Variants in PDK1 observed in about 807,000 individuals in gnomAD.
PDK1 encodes pyruvate dehydrogenase kinase 1.
PDK1 carries 39 observed loss-of-function variants against 54.2 expected under a neutral mutation model. That is an observed-to-expected ratio of 0.72 (90% CI 0.56 to 0.94). PDK1 has a LOEUF of 0.94. Ranked by LOEUF, PDK1 falls within the 40% of genes least tolerant of loss-of-function variation. PDK1 has a pLI of 0.00. For synonymous variants in PDK1, 221 were observed against 207.1 expected (o/e 1.07, Z -0.58); for missense variants, 552 against 566.0 (o/e 0.98, Z 0.25).
At chr2:172,642,254 T>C in the PDK1 span, among the ~76,000 whole-genome samples, 1 of 152,204 alleles carries the variant, frequency 6.6e-6, no homozygotes, top group African/African-American at 2.4e-5. Flanking sequence ...TGAGACTGCA[T>C]GTGCTTTTTC....
At chr2:172,560,159 T>A (rs1392548047) in intron 2 of PDK1, among the ~76,000 whole-genome samples, 1 of 152,224 alleles carries the variant, frequency 6.6e-6, no homozygotes, top group East Asian at 1.9e-4. Context: ...TATTATTTTT[T>A]AAATTAATTT....
chr2:172,714,764 A>C, the PDK1 span, among the ~76,000 whole-genome samples: 1 of 152,166 alleles, frequency 6.6e-6, no homozygotes, highest in Non-Finnish European at 1.5e-5. Context: ...GTGGTAATTG[A>C]CAGCAAAAAG....
the PDK1 span, among the ~76,000 whole-genome samples, chr2:172,710,121 A>G: frequency 6.6e-6 from 1 of 152,186 alleles, no homozygotes; most frequent in Non-Finnish European, 1.5e-5. Context: ...GTAAGTGACG[A>G]AAGTGGCTGT....
the PDK1 span, among the ~76,000 whole-genome samples, chr2:172,641,744 C>T: frequency 1.3e-4 from 20 of 152,046 alleles, no homozygotes; most frequent in African/African-American, 4.8e-4. Context: ...ACACCCTGTC[C>T]CAGATCATTT....
chr2:172,667,457 T>A, the PDK1 span, among the ~76,000 whole-genome samples: 2 of 152,174 alleles, frequency 1.3e-5, no homozygotes, highest in African/African-American at 4.8e-5. Flanking sequence ...AGAAGGTGAT[T>A]GGTAATGTAG....
At position 172,598,102 on chromosome 2, in the gene PDK1, TTA is replaced by T. The variant is rs1214676648; in HGVS notation, c.*2137_*2138del. On this transcript the variant is annotated 3_prime_UTR_variant, in exon 11 of 11. Coordinates refer to ENST00000282077, the MANE Select transcript of PDK1 (RefSeq NM_002610.5). ...ACAATAGAACATGTTAATGAGTAAT[TTA>T]TATTAGTTCGATGTATTACAATTTT... The T allele has an allele frequency of 6.6e-6, 1 of 152,210 alleles. No homozygotes were observed. Among genetic ancestry groups the T allele is most frequent in the Non-Finnish European group, 1.5e-5 (1 of 68,044 alleles). 9.4% of individuals were successfully genotyped at this position (152,210 alleles called of 1,614,324 possible).
At chr2:172,585,916 A>T (rs906862860) in intron 8 of PDK1, among the ~76,000 whole-genome samples, 3 of 152,136 alleles carry the variant, frequency 2.0e-5, no homozygotes, top group African/African-American at 7.2e-5. Context: ...CTATAATCCC[A>T]GCACTTTGGG....
the PDK1 span, among the ~76,000 whole-genome samples, chr2:172,666,214 C>A: frequency 4.3e-4 from 65 of 152,188 alleles, no homozygotes; most frequent in Non-Finnish European, 8.2e-4. Flanking sequence ...GTCCCACTAA[C>A]CTACTACACA....
the PDK1 span, among the ~76,000 whole-genome samples, chr2:172,676,507 AAATAGAAAGGG>A: frequency 1.3e-5 from 2 of 152,182 alleles, no homozygotes; most frequent in African/African-American, 2.4e-5. Context: ...GATGTGATAG[AAATAGAAAGGG>A]AATAGAATTA....
At chr2:172,625,469 GTAACT>G in the PDK1 span, among the ~76,000 whole-genome samples, 2 of 152,160 alleles carry the variant, frequency 1.3e-5, no homozygotes, top group East Asian at 3.9e-4. Context: ...GCATCTGTTT[GTAACT>G]TTCTTTCTTC....
At chr2:172,622,560 T>TGTTTATATCTCATATATTATGTGAG in the PDK1 span, among the ~76,000 whole-genome samples, 1 of 143,614 alleles carries the variant, frequency 7.0e-6, no homozygotes, top group Admixed American at 7.4e-5. Context: ...TCATGTGAGA[T>TGTTTATATCTCATATATTATGTGAG]ATGTTTATAT....
At chr2:172,619,983 G>A in the PDK1 span, among the ~76,000 whole-genome samples, 200 of 152,242 alleles carry the variant, frequency 1.3e-3, no homozygotes, top group Non-Finnish European at 2.5e-3. Flanking sequence ...TGGCCAACAT[G>A]GCAAAACCCC....
chr2:172,701,211 C>A, the PDK1 span, among the ~76,000 whole-genome samples: 2 of 152,198 alleles, frequency 1.3e-5, no homozygotes, highest in Non-Finnish European at 2.9e-5. Context: ...CAGACACAAG[C>A]ACTATCTGCT....
At chr2:172,595,339 G>A (rs1365161268) in intron 10 of PDK1, among the ~76,000 whole-genome samples, 1 of 151,914 alleles carries the variant, frequency 6.6e-6, no homozygotes, top group Admixed American at 6.6e-5. Flanking sequence ...CAAAGCACTG[G>A]GATTATAGGC....
At chr2:172,625,617 G>A in the PDK1 span, among the ~76,000 whole-genome samples, 2 of 152,080 alleles carry the variant, frequency 1.3e-5, no homozygotes, top group African/African-American at 4.8e-5. Flanking sequence ...TATCCAGTAA[G>A]CCTGCCTTGA....
At chr2:172,694,708 A>G in the PDK1 span, among the ~76,000 whole-genome samples, 3 of 152,222 alleles carry the variant, frequency 2.0e-5, no homozygotes, top group Admixed American at 2.0e-4. Flanking sequence ...TTGGTCCTGA[A>G]CTGGAATGAT....
intron 6 of PDK1, among the ~76,000 whole-genome samples, chr2:172,568,286 C>T (rs1689061930): frequency 6.9e-6 from 1 of 145,402 alleles, no homozygotes; most frequent in Non-Finnish European, 1.5e-5. Context: ...CAAGATCGCG[C>T]CACTGCACTC....
the PDK1 span, among the ~76,000 whole-genome samples, chr2:172,721,697 G>A: frequency 1.5e-3 from 221 of 152,302 alleles, no homozygotes; most frequent in African/African-American, 5.0e-3. Context: ...TCCCAGTAAT[G>A]CATGGAAGGG....
At chr2:172,699,125 T>C in the PDK1 span, among the ~76,000 whole-genome samples, 1 of 152,222 alleles carries the variant, frequency 6.6e-6, no homozygotes, top group Non-Finnish European at 1.5e-5. Flanking sequence ...ATTAAAGAAT[T>C]ATTATAGCCA....
Sources: allele counts gnomAD v4.1 joint callset (sites outside exome capture counted in the v4.1 genomes callset), GRCh38; gene constraint gnomAD v4.1.1; transcripts MANE v1.5; gene names NCBI Gene and HGNC (gene_info 2026-07-23, HGNC 2026-07-21).